Variants in PTPDC1 observed in about 807,000 individuals in gnomAD.
PTPDC1 encodes protein tyrosine phosphatase domain-containing protein 1.
In PTPDC1, 53 loss-of-function variants were observed where a neutral mutation model predicts 75.3. The ratio of observed to expected loss-of-function variants is 0.70; its 90% CI spans 0.56 to 0.88. The LOEUF (loss-of-function observed/expected upper bound fraction) is 0.88, where lower values mean the gene tolerates loss of function less well. Among genes scored for constraint, PTPDC1 ranks in the 40% least tolerant of loss-of-function variants. The pLI is 0.00. For missense variants in PTPDC1, 925 were observed against 998.6 expected, an observed-to-expected ratio of 0.93 and a Z score of 0.99; for synonymous variants, 349 against 366.2, an observed-to-expected ratio of 0.95 and a Z score of 0.54.
Position 94,098,460 on chromosome 9 carries a change from T to A in PTPDC1, c.1894T>A (p.Ser632Thr), listed in dbSNP as rs139778820. The A allele has an allele frequency of 5.0e-6, 8 of 1,614,028 alleles. No individual in the cohort carries two copies. Among genetic ancestry groups the A allele is most frequent in the African/African-American group, 1.3e-5 (1 of 74,914 alleles). The change falls in exon 6 of 9, where the codon TCT becomes ACT. Residue 632 changes from serine to threonine, a missense_variant. By Grantham distance (58) the Ser-to-Thr change is moderately conservative (BLOSUM62 1). Transcript: ENST00000620992. ...SKDLSEAASH[S>T]ALQSELSAEA... is the part of the protein sequence containing the mutation. ...AGATCTGTCTGAAGCAGCTTCACAC[T>A]CTGCATTACAGTCTGAATTGAGTGC...
chr9:94,088,346 G>C (rs988773266), intron 4 of PTPDC1, 83 bp downstream of exon 4: 43 of 1,478,738 alleles, frequency 2.9e-5, no homozygotes, highest in Non-Finnish European at 3.9e-5. Flanking sequence ...AGATTAAAAA[G>C]ATGATGGAAA....
chr9:94,051,324 G>A (rs1035620451), intron 1 of PTPDC1, among the ~76,000 whole-genome samples: 1 of 152,188 alleles, frequency 6.6e-6, no homozygotes, highest in Non-Finnish European at 1.5e-5. Context: ...GCTGTAGACT[G>A]GAACGGTTCC....
At chr9:94,095,993 A>G (rs1325887811) in intron 5 of PTPDC1, among the ~76,000 whole-genome samples, 11 of 152,186 alleles carry the variant, frequency 7.2e-5, no homozygotes, top group Admixed American at 6.5e-4. Context: ...CTGACTCCAG[A>G]GTTCATGTGC....
upstream of PTPDC1, chr9:94,084,445 T>G: frequency 6.4e-7 from 1 of 1,564,106 alleles, no homozygotes; most frequent in South Asian, 1.2e-5. Flanking sequence ...TACAGAACGA[T>G]GCAATGCTCC....
At chr9:94,080,988 C>CTTTTTTTTTTTTTTT (rs1254750314), upstream of PTPDC1, among the ~76,000 whole-genome samples, 84 of 127,522 alleles carry the variant, frequency 6.6e-4, 4 homozygotes, top group African/African-American at 9.3e-4. Context: ...TTTTCTTTTT[C>CTTTTTTTTTTTTTTT]TTTTTCTTTT....
chr9:94,077,679 C>T (rs931255050), intron 2 of PTPDC1, among the ~76,000 whole-genome samples: 1 of 152,174 alleles, frequency 6.6e-6, no homozygotes, highest in South Asian at 2.1e-4. Flanking sequence ...TGAACCCTAT[C>T]CTAAGCTTTT....
intron 6 of PTPDC1, 119 bp downstream of exon 6, chr9:94,098,698 A>G: frequency 1.2e-6 from 1 of 868,356 alleles, no homozygotes; most frequent in South Asian, 1.6e-5. Context: ...TTTGCATAAT[A>G]CTTTCTAACT....
chr9:94,095,251 C>CGCCGTAAG, intron 4 of PTPDC1, 66 bp from the exon 5 acceptor site: 1 of 1,294,904 alleles, frequency 7.7e-7, no homozygotes, highest in Non-Finnish European at 1.1e-6. Context: ...GTGTACTTTT[C>CGCCGTAAG]ATTAGTGTTT....
intron 1 of PTPDC1, among the ~76,000 whole-genome samples, chr9:94,048,653 G>T (rs1181376566): frequency 6.6e-6 from 1 of 152,114 alleles, no homozygotes; most frequent in Non-Finnish European, 1.5e-5. Flanking sequence ...AATAGGTGTG[G>T]TGTGGTGCTG....
chr9:94,088,291 A>C, intron 4 of PTPDC1, 28 bp downstream of exon 4: 1 of 1,610,034 alleles, frequency 6.2e-7, no homozygotes. Flanking sequence ...TCCTCTCATG[A>C]ATTATCAAGG....
chr9:94,098,767 A>G, intron 6 of PTPDC1, 188 bp downstream of exon 6: 3 of 614,666 alleles, frequency 4.9e-6, no homozygotes, highest in South Asian at 2.0e-5. Flanking sequence ...GGGTGTTTGT[A>G]TGGTTTCATT....
chr9:94,054,420 A>G (rs1825873126), intron 1 of PTPDC1, among the ~76,000 whole-genome samples: 2 of 130,340 alleles, frequency 1.5e-5, no homozygotes, highest in South Asian at 4.8e-4. Flanking sequence ...TCTCAGAGAT[A>G]TTAATAAATG....
chr9:94,039,265 T>A (rs1033043275), intron 1 of PTPDC1, among the ~76,000 whole-genome samples: 1 of 152,170 alleles, frequency 6.6e-6, no homozygotes, highest in Admixed American at 6.5e-5. Flanking sequence ...TCAATTTTTT[T>A]ATTCATTCTA....
rs1388168767 is a variant in PTPDC1 at position 94,064,642 on chromosome 9, G to A, written c.-6-92G>A. On this transcript the variant is annotated intron_variant, in intron 1 of 9. Coordinates refer to the PTPDC1 transcript ENST00000375360. ...ATCTGCCACTTGGCCAGTGACTGCA[G>A]CATTGGATAACAAAGGTCTAGCCAT... The A allele has an allele frequency of 4.9e-6, 4 of 809,486 alleles. No homozygotes were observed. The East Asian group carries it at 8.0e-5, about 16-fold the overall frequency. The allele number at this position is 809,486 out of a possible 1,614,324, so 50.1% of individuals were successfully genotyped here. A position where few individuals can be genotyped will look rare whatever the true frequency, so the allele number is the denominator to read the frequency against.
chr9:94,062,518 A>G (rs1826174193), intron 1 of PTPDC1, among the ~76,000 whole-genome samples: 1 of 152,208 alleles, frequency 6.6e-6, no homozygotes, highest in East Asian at 1.9e-4. Context: ...TCTAAAGAAA[A>G]GAGGTCTGAT....
At chr9:94,102,683 G>A (rs1242082250) in intron 7 of PTPDC1, among the ~76,000 whole-genome samples, 3 of 152,164 alleles carry the variant, frequency 2.0e-5, no homozygotes, top group East Asian at 3.9e-4. Flanking sequence ...GGGTTCAAGC[G>A]ATTCTCCTGC....
At chr9:94,075,995 T>TTGTG (rs1297690743) in intron 2 of PTPDC1, among the ~76,000 whole-genome samples, 4 of 130,290 alleles carry the variant, frequency 3.1e-5, no homozygotes, top group Non-Finnish European at 5.5e-5. Flanking sequence ...TGTGTGTGTT[T>TTGTG]TGTTTGTTTG....
At chr9:94,044,483 G>C (rs1244788013) in intron 1 of PTPDC1, among the ~76,000 whole-genome samples, 1 of 152,026 alleles carries the variant, frequency 6.6e-6, no homozygotes, top group Admixed American at 6.6e-5. Flanking sequence ...CCCAGTGTAT[G>C]TTGTTCCCCT....
At chr9:94,032,369 A>G (rs1829744630) in intron 1 of PTPDC1, among the ~76,000 whole-genome samples, 1 of 152,170 alleles carries the variant, frequency 6.6e-6, no homozygotes, top group African/African-American at 2.4e-5. Flanking sequence ...CCATTTTAAG[A>G]ACAATTGTTC....
Sources: allele counts gnomAD v4.1 joint callset (sites outside exome capture counted in the v4.1 genomes callset), GRCh38; gene constraint gnomAD v4.1.1; transcripts MANE v1.5; gene names NCBI Gene and HGNC (gene_info 2026-07-23, HGNC 2026-07-21).